The following SUMF1 variants were observed in gnomAD, a reference collection of about 807,000 sequenced individuals.
The protein encoded by SUMF1 is formylglycine-generating enzyme.
A neutral mutation model predicts 47.6 loss-of-function variants in SUMF1; 48 were observed. The ratio of observed to expected loss-of-function variants is 1.01; its 90% CI spans 0.80 to 1.28. The LOEUF is 1.28. Ranked by LOEUF, SUMF1 falls within the 50% of genes most tolerant of loss-of-function variation. SUMF1 has a pLI of 0.00. For synonymous variants in SUMF1, 230 were observed against 192.1 expected (o/e 1.20, Z -1.63); for missense variants, 571 against 485.4 (o/e 1.18, Z -1.66).
At chr3:4,045,452 T>G (rs777949672) in intron 9 of SUMF1, among the ~76,000 whole-genome samples, 4 of 151,820 alleles carry the variant, frequency 2.6e-5, no homozygotes, top group Non-Finnish European at 5.9e-5. Flanking sequence ...TGTTATACCT[T>G]GACTGATACA....
chr3:4,269,899 G>A (rs1292888330), intron 8 of SUMF1, among the ~76,000 whole-genome samples: 3 of 152,160 alleles, frequency 2.0e-5, no homozygotes, highest in Admixed American at 2.0e-4. Context: ...CCTGCACTCT[G>A]TGTAAGGACA....
chr3:4,213,018 C>T (rs1394393357), intron 8 of SUMF1, among the ~76,000 whole-genome samples: 1 of 152,100 alleles, frequency 6.6e-6, no homozygotes, highest in Non-Finnish European at 1.5e-5. Context: ...ACTTCCCCAA[C>T]CCAGCAAGAC....
intron 8 of SUMF1, among the ~76,000 whole-genome samples, chr3:4,111,619 G>A (rs1280853650): frequency 2.0e-5 from 3 of 151,874 alleles, no homozygotes; most frequent in Non-Finnish European, 2.9e-5. Context: ...CTAGTAGTTA[G>A]TCCCAGTTAC....
At chr3:4,255,655 C>A (rs1160377881) in intron 8 of SUMF1, among the ~76,000 whole-genome samples, 3 of 137,824 alleles carry the variant, frequency 2.2e-5, no homozygotes, top group African/African-American at 8.5e-5. Flanking sequence ...GACTACCACA[C>A]ATTAATAATG....
chr3:4,246,429 T>C (rs1696672515), intron 8 of SUMF1, among the ~76,000 whole-genome samples: 1 of 152,010 alleles, frequency 6.6e-6, no homozygotes, highest in African/African-American at 2.4e-5. Flanking sequence ...TTTGACAGAG[T>C]CTCACTCTGT....
intron 8 of SUMF1, among the ~76,000 whole-genome samples, chr3:4,367,956 T>C (rs1229957708): frequency 3.9e-5 from 6 of 151,912 alleles, no homozygotes; most frequent in African/African-American, 1.2e-4. Context: ...ACACCAAAAG[T>C]AATGGCAACA....
At chr3:4,239,094 G>A (rs866469539) in intron 8 of SUMF1, among the ~76,000 whole-genome samples, 47 of 152,000 alleles carry the variant, frequency 3.1e-4, no homozygotes, top group Admixed American at 2.0e-3. Flanking sequence ...TAGATGTGTC[G>A]CATTATTTCT....
At chr3:4,305,376 G>A (rs1575070762) in intron 8 of SUMF1, among the ~76,000 whole-genome samples, 1 of 152,100 alleles carries the variant, frequency 6.6e-6, no homozygotes, top group Admixed American at 6.5e-5. Context: ...GTGAGCCACC[G>A]CACCCGGCCA....
chr3:4,086,045 A>G (rs1277000409), intron 8 of SUMF1, among the ~76,000 whole-genome samples: 1 of 152,060 alleles, frequency 6.6e-6, no homozygotes, highest in African/African-American at 2.4e-5. Context: ...GTTAAAGCCA[A>G]TTGCCTCCAA....
chr3:4,450,834 G>C (rs763212181), intron 2 of SUMF1, among the ~76,000 whole-genome samples: 1 of 151,990 alleles, frequency 6.6e-6, no homozygotes, highest in Non-Finnish European at 1.5e-5. Context: ...GAGAAAATAC[G>C]GGCCAAGTTC....
intron 8 of SUMF1, among the ~76,000 whole-genome samples, chr3:4,164,241 T>C (rs1817576): frequency 0.34 from 51,373 of 151,982 alleles, 8,872 homozygotes; most frequent in East Asian, 0.4. Context: ...AGGATGGTAA[T>C]GGACCTTGAG....
intron 7 of SUMF1, among the ~76,000 whole-genome samples, chr3:4,379,744 A>G (rs1339216791): frequency 6.7e-6 from 1 of 148,480 alleles, no homozygotes; most frequent in African/African-American, 2.5e-5. Context: ...TGGGAGGCTG[A>G]GGCAGGAGAA....
intron 8 of SUMF1, chr3:4,313,540 C>G: frequency 1.2e-6 from 2 of 1,613,998 alleles, no homozygotes; most frequent in East Asian, 4.5e-5. Context: ...AGGAAGATAT[C>G]TTAATCTAAC....
intron 8 of SUMF1, among the ~76,000 whole-genome samples, chr3:4,322,029 G>C (rs1399309638): frequency 6.6e-6 from 1 of 152,106 alleles, no homozygotes; most frequent in African/African-American, 2.4e-5. Context: ...TAATCATGAG[G>C]AAAAGAATCA....
intron 7 of SUMF1, among the ~76,000 whole-genome samples, chr3:4,382,090 T>C (rs1055514072): frequency 5.3e-5 from 8 of 152,068 alleles, no homozygotes; most frequent in Admixed American, 5.2e-4. Context: ...CCTCAAGAAC[T>C]GAATCTAGGC....
chr3:4,466,066 A>G (rs1030736976), intron 1 of SUMF1, among the ~76,000 whole-genome samples: 1 of 152,206 alleles, frequency 6.6e-6, no homozygotes, highest in African/African-American at 2.4e-5. Flanking sequence ...CAACACATCA[A>G]TATGCAAAAT....
At chr3:4,174,948 G>A (rs1389885529) in intron 8 of SUMF1, among the ~76,000 whole-genome samples, 1 of 152,210 alleles carries the variant, frequency 6.6e-6, no homozygotes, top group Non-Finnish European at 1.5e-5. Flanking sequence ...AGCAGTCTGA[G>A]ATCAATCTGC....
intron 8 of SUMF1, among the ~76,000 whole-genome samples, chr3:4,286,517 C>A (rs997955848): frequency 2.4e-4 from 37 of 152,158 alleles, no homozygotes; most frequent in African/African-American, 8.7e-4. Context: ...GGTTTATTTT[C>A]TGAACAAAAT....
intron 8 of SUMF1, among the ~76,000 whole-genome samples, chr3:4,211,481 A>T (rs551191654): frequency 2.0e-4 from 31 of 152,048 alleles, no homozygotes; most frequent in African/African-American, 7.0e-4. Context: ...CTTTTGAAAG[A>T]GGTAAACATG....
Sources: gnomAD v4.1 joint callset for allele counts (sites outside exome capture counted in the v4.1 genomes callset) on GRCh38, gnomAD v4.1.1 for gene constraint, MANE v1.5 for transcripts, NCBI Gene and HGNC (gene_info 2026-07-23, HGNC 2026-07-21) for gene names.